SLC2A12: variants seen among roughly 807,000 people sequenced by gnomAD.
SLC2A12 encodes the protein solute carrier family 2, facilitated glucose transporter member 12.
A neutral mutation model predicts 41.8 loss-of-function variants in SLC2A12; 23 were observed. The ratio of observed to expected loss-of-function variants is 0.55; its 90% CI spans 0.40 to 0.78. SLC2A12 has a LOEUF of 0.78. Among genes scored for constraint, SLC2A12 ranks in the 30% least tolerant of loss-of-function variants. The probability of loss-of-function intolerance (pLI) is 0.00; values close to 1 mark genes in which losing one functional copy is unlikely to be tolerated. For synonymous variants in SLC2A12, 295 were observed against 285.9 expected (o/e 1.03, Z -0.32); for missense variants, 654 against 745.6 (o/e 0.88, Z 1.43).
intron 1 of SLC2A12, among the ~76,000 whole-genome samples, chr6:134,036,257 C>G (rs1256242433): frequency 6.6e-6 from 1 of 152,152 alleles, no homozygotes; most frequent in Non-Finnish European, 1.5e-5. Flanking sequence ...CCCCCACCCC[C>G]ACTTCATATT....
intron 4 of SLC2A12, among the ~76,000 whole-genome samples, chr6:133,995,784 ACT>A (rs1176619031): frequency 6.6e-6 from 1 of 151,510 alleles, no homozygotes; most frequent in Non-Finnish European, 1.5e-5. Context: ...ATGAAACCAA[ACT>A]CTTCACTCAG....
intron 1 of SLC2A12, among the ~76,000 whole-genome samples, chr6:134,031,547 A>G (rs34180332): frequency 0.011 from 1,706 of 152,266 alleles, 11 homozygotes; most frequent in Middle Eastern, 0.041. Context: ...GATATACTCA[A>G]TACAGTACTA....
intron 4 of SLC2A12, among the ~76,000 whole-genome samples, chr6:133,997,064 A>G (rs1319748391): frequency 3.4e-5 from 4 of 118,468 alleles, no homozygotes; most frequent in Non-Finnish European, 6.7e-5. Flanking sequence ...ACACGGTGAA[A>G]CCCCGTCTCT....
At chr6:134,021,431 T>C (rs1156905249) in intron 2 of SLC2A12, among the ~76,000 whole-genome samples, 2 of 152,216 alleles carry the variant, frequency 1.3e-5, no homozygotes, top group East Asian at 1.9e-4. Flanking sequence ...AGTCTATAAC[T>C]ACATTCTGGT....
chr6:134,033,453 T>C (rs906614467), intron 1 of SLC2A12, among the ~76,000 whole-genome samples: 2 of 152,182 alleles, frequency 1.3e-5, no homozygotes, highest in African/African-American at 4.8e-5. Flanking sequence ...TATTGTATTA[T>C]TCTTATCTCT....
intron 4 of SLC2A12, among the ~76,000 whole-genome samples, chr6:133,992,183 G>C (rs572803190): frequency 6.6e-6 from 1 of 152,150 alleles, no homozygotes; most frequent in Admixed American, 6.5e-5. Flanking sequence ...AGCTTTGTGC[G>C]TGTGTGCGTG....
At chr6:134,005,466 G>A (rs1159705039) in intron 3 of SLC2A12, among the ~76,000 whole-genome samples, 1 of 151,580 alleles carries the variant, frequency 6.6e-6, no homozygotes, top group Non-Finnish European at 1.5e-5. Flanking sequence ...AGACCAGCCT[G>A]AGTCAACAAA....
At position 133,997,085 on chromosome 6, in the gene SLC2A12, C is replaced by CAAAAA. The variant is rs58295985; in HGVS notation, c.1700+4907_1700+4911dup. 4.7e-4 allele frequency among the ~76,000 whole-genome samples: 33 copies of CAAAAA among 70,712 alleles called. 1 individual carries two copies. The highest frequency in any genetic ancestry group is 9.4e-4 in the African/African-American group (17 of 18,170). 46.4% of individuals were successfully genotyped at this position (70,712 alleles called of 152,430 possible). A position where few individuals can be genotyped will look rare whatever the true frequency, so the allele number is the denominator to read the frequency against. Reference sequence around the variant, plus strand: ...TGAAACCCCGTCTCTACTAAAAATACAAAAAAAAAAAAAAAAAAAAAAAAA... The same window carrying CAAAAA: ...TGAAACCCCGTCTCTACTAAAAATACAAAAAAAAAAAAAAAAAAAAAAAAAAAAAA... On this transcript the variant is annotated intron_variant, in intron 4 of 4. Coordinates refer to ENST00000275230, the MANE Select transcript of SLC2A12 (RefSeq NM_145176.3).
rs374104867 is a variant in SLC2A12, at chr6:133,991,125, A to G, written c.*30T>C. ...AAGACACCCTCCTAAGTGTTCTGGC[A>G]CTATCCACGTTCAGAAGGTGTTGAG... On this transcript the variant is annotated 3_prime_UTR_variant, in exon 5 of 5. Transcript: ENST00000275230. 4.4e-6 allele frequency: 7 copies of G among 1,596,492 alleles called. No homozygotes were observed. The African/African-American group carries it at 9.5e-5, about 22-fold the overall frequency.
At position 133,991,056 on chromosome 6, in the gene SLC2A12, A is replaced by G; in HGVS notation, c.*99T>C. 2.9e-6 allele frequency: 4 copies of G among 1,365,518 alleles called. No homozygotes were observed. The South Asian group carries it at 4.7e-5, about 16-fold the overall frequency. 84.6% of individuals were successfully genotyped at this position (1,365,518 alleles called of 1,614,324 possible). On this transcript the variant is annotated 3_prime_UTR_variant, in exon 5 of 5. Transcript: ENST00000275230. ...GTGTCTCTTCAAAACCAGTTCCATG[A>G]CACTGAAAAGAGAGCACAGGAGTCG...
chr6:134,027,450 T>C (rs559558655), intron 2 of SLC2A12, among the ~76,000 whole-genome samples: 1 of 152,148 alleles, frequency 6.6e-6, no homozygotes, highest in African/African-American at 2.4e-5. Context: ...AAACCAACTT[T>C]GTGATAGAGA....
chr6:134,028,459 C>G lies in SLC2A12; in HGVS notation c.1366G>C (p.Val456Leu), dbSNP rs753553942. The G allele has an allele frequency of 6.2e-7, 1 of 1,614,058 alleles. No individual in the cohort carries two copies. Among genetic ancestry groups the G allele is most frequent in the East Asian group, 2.2e-5 (1 of 44,900 alleles). Reference sequence around the variant, plus strand: ...GACAGCCATTTCAAAAAAGCTGGGACGTCCCCAGGGTCTGTGACTATCTGG... The same window carrying G: ...GACAGCCATTTCAAAAAAGCTGGGAGGTCCCCAGGGTCTGTGACTATCTGG... ...EYQIVTDPGDVPAFLKWLSLA... is the reference protein window; with the variant it reads ...EYQIVTDPGDLPAFLKWLSLA... The change falls in exon 2 of 5, where the codon GTC (valine) becomes CTC (leucine). Residue 456 changes from valine (V) to leucine (L), a missense_variant. Coordinates refer to ENST00000275230, the MANE Select transcript of SLC2A12 (RefSeq NM_145176.3).
At chr6:134,036,543 C>T (rs1222579751) in intron 1 of SLC2A12, among the ~76,000 whole-genome samples, 1 of 152,158 alleles carries the variant, frequency 6.6e-6, no homozygotes, top group Non-Finnish European at 1.5e-5. Context: ...ACTGGAAGTT[C>T]CTTGAAGGCA....
intron 2 of SLC2A12, among the ~76,000 whole-genome samples, chr6:134,025,903 T>C (rs1777106587): frequency 6.6e-6 from 1 of 152,242 alleles, no homozygotes; most frequent in Admixed American, 6.5e-5. Flanking sequence ...ACTCTTGCTC[T>C]AATACAATAA....
At chr6:134,040,895 T>C (rs1777373466) in intron 1 of SLC2A12, among the ~76,000 whole-genome samples, 1 of 152,198 alleles carries the variant, frequency 6.6e-6, no homozygotes, top group Admixed American at 6.5e-5. Context: ...CTGTGGTATA[T>C]TCAGTGTCTG....
In SLC2A12 at chr6:134,002,127, G is replaced by A. The variant is rs138921989; in HGVS notation, c.1570C>T (p.Leu524Phe). 20 of 1,591,894 alleles carry A rather than the reference G, an allele frequency of 1.3e-5. No individual in the cohort carries two copies. Among genetic ancestry groups the A allele is most frequent in the Non-Finnish European group, 1.7e-5 (20 of 1,173,542 alleles). ...ISLTFLTVTD[L>F]IGLPWVCFIY... ...AAGCACACCCATGGCAGGCCAATAA[G>A]ATCTATAAAGGACAAAAGAAATTGA... is the stretch of plus-strand genomic sequence containing the variant. The change falls in exon 4 of 5, where the codon CTT (leucine) becomes TTT (phenylalanine). Residue 524 changes from leucine to phenylalanine, a missense_variant and splice_region_variant. Transcript: ENST00000275230.
chr6:133,999,894 C>T (rs1247827859), intron 4 of SLC2A12, among the ~76,000 whole-genome samples: 1 of 152,166 alleles, frequency 6.6e-6, no homozygotes, highest in Non-Finnish European at 1.5e-5. Flanking sequence ...TGGAAGTCAT[C>T]GGTGTCCTGG....
chr6:134,006,176 G>GAAAAAAAAAAAAAAAAAAAAAAAAAA (rs1182572567), intron 3 of SLC2A12, among the ~76,000 whole-genome samples: 2 of 61,782 alleles, frequency 3.2e-5, no homozygotes, highest in African/African-American at 5.7e-5. Context: ...GAGACTATCG[G>GAAAAAAAAAAAAAAAAAAAAAAAAAA]AAAAAAAAAA....
At chr6:134,024,832 C>G (rs946870263) in intron 2 of SLC2A12, among the ~76,000 whole-genome samples, 2 of 152,186 alleles carry the variant, frequency 1.3e-5, no homozygotes, top group African/African-American at 4.8e-5. Flanking sequence ...CCAGAACTAC[C>G]CAACTCCAGC....
Sources: gnomAD v4.1 joint callset for allele counts (sites outside exome capture counted in the v4.1 genomes callset) on GRCh38, gnomAD v4.1.1 for gene constraint, MANE v1.5 for transcripts, NCBI Gene and HGNC (gene_info 2026-07-23, HGNC 2026-07-21) for gene names.